ZFYVE1: variants seen among roughly 807,000 people sequenced by gnomAD.
ZFYVE1 encodes the protein zinc finger FYVE-type containing 1.
ZFYVE1 carries 30 observed loss-of-function variants against 74.4 expected under a neutral mutation model. That is an observed-to-expected ratio of 0.40 (90% confidence interval 0.30 to 0.55). The LOEUF (loss-of-function observed/expected upper bound fraction) is 0.55, where lower values mean the gene tolerates loss of function less well. Among genes scored for constraint, ZFYVE1 ranks in the 20% least tolerant of loss-of-function variants. The pLI is 0.42. For synonymous variants in ZFYVE1, 335 were observed against 385.1 expected, an observed-to-expected ratio of 0.87 and a Z score of 1.52; for missense variants, 703 against 1,011.6, an observed-to-expected ratio of 0.69 and a Z score of 4.14.
At chr14:73,023,001 A>G (rs1446250523) in intron 2 of ZFYVE1, among the ~76,000 whole-genome samples, 2 of 151,654 alleles carry the variant, frequency 1.3e-5, no homozygotes. Flanking sequence ...CGTCTCTACT[A>G]AAAATTCTAA....
chr14:72,997,009 AAAAC>A (rs1893763934), intron 3 of ZFYVE1, among the ~76,000 whole-genome samples: 1 of 152,176 alleles, frequency 6.6e-6, no homozygotes, highest in Non-Finnish European at 1.5e-5. Flanking sequence ...TTTCTCTAAG[AAAAC>A]AAATAAGAAC....
At chr14:72,981,216 C>T (rs4899452) in intron 5 of ZFYVE1, among the ~76,000 whole-genome samples, 3 of 152,088 alleles carry the variant, frequency 2.0e-5, no homozygotes, top group African/African-American at 7.2e-5. Flanking sequence ...GCATCTTAAA[C>T]ATAGCAATGC....
chr14:73,002,757 T>TTC (rs1555533741), intron 2 of ZFYVE1, among the ~76,000 whole-genome samples: 1 of 148,166 alleles, frequency 6.7e-6, no homozygotes, highest in Non-Finnish European at 1.5e-5. Context: ...TTTTTTTTTT[T>TTC]CTGAGACAGA....
At chr14:73,015,189 C>T (rs1238506270) in intron 2 of ZFYVE1, among the ~76,000 whole-genome samples, 1 of 141,480 alleles carries the variant, frequency 7.1e-6, no homozygotes, top group Non-Finnish European at 1.5e-5. Flanking sequence ...CAAGATGGTG[C>T]CACTGCACTC....
At chr14:73,015,639 C>T (rs1241021311) in intron 2 of ZFYVE1, among the ~76,000 whole-genome samples, 1 of 152,192 alleles carries the variant, frequency 6.6e-6, no homozygotes, top group African/African-American at 2.4e-5. Flanking sequence ...CCGCCTCAGC[C>T]TCCCAAAGCG....
intron 4 of ZFYVE1, among the ~76,000 whole-genome samples, chr14:72,985,739 A>C (rs1893460347): frequency 6.6e-6 from 1 of 151,632 alleles, no homozygotes; most frequent in African/African-American, 2.4e-5. Flanking sequence ...AAAGAATAGC[A>C]ATTATTATTT....
Position 72,969,460 on chromosome 14 carries a change from A to G in ZFYVE1, c.*1422T>C. ...GCCAGCACAGTCGAGATGCAGGAAG[A>G]TTCCTTTATGATGGCGAATTGGATG... On this transcript the variant is annotated 3_prime_UTR_variant, in exon 12 of 12. Transcript: ENST00000556143. 1 of 460,160 alleles carries G rather than the reference A, an allele frequency of 2.2e-6. No homozygotes were observed. 28.5% of individuals were successfully genotyped at this position (460,160 alleles called of 1,614,324 possible). A position where few individuals can be genotyped will look rare whatever the true frequency, so the allele number is the denominator to read the frequency against.
At position 72,971,062 on chromosome 14, in the gene ZFYVE1, G is replaced by T. The variant is rs1001386567; in HGVS notation, c.2154C>A (p.Ile718=). The change falls in exon 12 of 12, where the codon ATC becomes ATA. Residue 718 remains isoleucine (I), a synonymous_variant. Coordinates refer to ENST00000556143, the MANE Select transcript of ZFYVE1 (RefSeq NM_021260.4). The part of the protein sequence containing the change: ...RPAYWVPDHE[I]LHCHNCRKEF... Reference sequence around the variant, plus strand: ...CCTTCCGGCAGTTGTGGCAGTGGAGGATTTCGTGGTCAGGCACCCAGTACG... The same window carrying T: ...CCTTCCGGCAGTTGTGGCAGTGGAGTATTTCGTGGTCAGGCACCCAGTACG... The T allele has an allele frequency of 1.2e-6, 2 of 1,614,172 alleles. No homozygotes were observed. Among genetic ancestry groups the T allele is most frequent in the African/African-American group, 2.7e-5 (2 of 75,052 alleles).
In ZFYVE1 at chr14:72,991,339, G is replaced by A. The variant is rs536184611; in HGVS notation, c.1203+1804C>T. ...CAAGTAGCTGGGACTACAGGTGCCC[G>A]CTACCACACCCGGCTAATTTTTTGT... On this transcript the variant is annotated intron_variant, in intron 4 of 11. Coordinates refer to ENST00000556143, the MANE Select transcript of ZFYVE1 (RefSeq NM_021260.4). Among the ~76,000 whole-genome samples, 23 of 152,014 alleles carry A rather than the reference G, an allele frequency of 1.5e-4. No homozygotes were observed. In the East Asian group the frequency reaches 3.7e-3, roughly 24 times the overall value.
At chr14:72,990,808 C>G (rs2140360150) in intron 4 of ZFYVE1, among the ~76,000 whole-genome samples, 1 of 141,910 alleles carries the variant, frequency 7.0e-6, no homozygotes, top group East Asian at 2.2e-4. Context: ...TCAAGTGATT[C>G]TCCTGCCTCA....
At chr14:72,973,653 C>T (rs1011023593) in intron 11 of ZFYVE1, among the ~76,000 whole-genome samples, 6 of 152,170 alleles carry the variant, frequency 3.9e-5, no homozygotes, top group Non-Finnish European at 7.3e-5. Flanking sequence ...CTGCTACACA[C>T]AGCCTCCTAA....
intron 11 of ZFYVE1, among the ~76,000 whole-genome samples, chr14:72,972,078 C>G (rs892251616): frequency 6.6e-6 from 1 of 152,018 alleles, no homozygotes; most frequent in African/African-American, 2.4e-5. Flanking sequence ...AAAAATTAGC[C>G]GGGCGTGGTG....
intron 5 of ZFYVE1, among the ~76,000 whole-genome samples, chr14:72,981,391 G>C (rs193082999): frequency 6.6e-5 from 10 of 152,126 alleles, no homozygotes; most frequent in African/African-American, 2.2e-4. Flanking sequence ...TTGCACAGGG[G>C]GGGCACTCAA....
intron 2 of ZFYVE1, among the ~76,000 whole-genome samples, chr14:73,008,039 T>C (rs866061326): frequency 4.3e-4 from 66 of 152,346 alleles, no homozygotes; most frequent in African/African-American, 1.6e-3. Flanking sequence ...GTTCCATTAC[T>C]TGAGAGGTCA....
intron 2 of ZFYVE1, among the ~76,000 whole-genome samples, chr14:73,016,368 A>T (rs966399007): frequency 2.0e-5 from 3 of 152,130 alleles, no homozygotes; most frequent in Non-Finnish European, 2.9e-5. Context: ...AAAATTAGCC[A>T]GGCGTGGTGG....
chr14:72,987,398 C>T (rs1013120388), intron 4 of ZFYVE1, among the ~76,000 whole-genome samples: 5 of 152,134 alleles, frequency 3.3e-5, no homozygotes. Context: ...AAAACCCTGT[C>T]TCTACAAAAA....
At chr14:73,011,670 C>T (rs753992987) in intron 2 of ZFYVE1, among the ~76,000 whole-genome samples, 9 of 150,994 alleles carry the variant, frequency 6.0e-5, no homozygotes, top group South Asian at 2.1e-4. Flanking sequence ...CAGGCGCCTA[C>T]CACCATGCCA....
chr14:72,984,447 T>C (rs921883568), intron 4 of ZFYVE1, among the ~76,000 whole-genome samples: 4 of 151,890 alleles, frequency 2.6e-5, no homozygotes, highest in Non-Finnish European at 4.4e-5. Context: ...GAGAATCATT[T>C]GAACCCGGGA....
intron 1 of ZFYVE1, among the ~76,000 whole-genome samples, chr14:73,025,691 C>T (rs1273146446): frequency 9.0e-6 from 1 of 110,896 alleles, no homozygotes; most frequent in Admixed American, 1.2e-4. Flanking sequence ...GCAAGACTCC[C>T]TCAAAAAAAA....
Sources: allele counts gnomAD v4.1 joint callset (sites outside exome capture counted in the v4.1 genomes callset), GRCh38; gene constraint gnomAD v4.1.1; transcripts MANE v1.5; gene names NCBI Gene and HGNC (gene_info 2026-07-23, HGNC 2026-07-21).